Variants in PRELID2 observed in about 807,000 individuals in gnomAD.
PRELID2 encodes PRELI domain-containing protein 2.
Under a neutral mutation model 28.4 loss-of-function variants are expected in PRELID2, and 25 were observed. The observed-to-expected ratio is 0.88, with a 90% CI of 0.64 to 1.23. PRELID2 has a LOEUF of 1.23. Ranked by LOEUF, PRELID2 falls within the 50% of genes most tolerant of loss-of-function variation. PRELID2 has a pLI of 0.00. For missense variants in PRELID2, 201 were observed against 214.4 expected (o/e 0.94, Z 0.39); for synonymous variants, 76 against 71.6 (o/e 1.06, Z -0.31).
chr5:145,728,805 A>G, intron 1 of PRELID2: 1 of 1,061,922 alleles, frequency 9.4e-7, no homozygotes, highest in Non-Finnish European at 1.5e-6. Flanking sequence ...GTACGTTCCA[A>G]TCATAAAGGC....
chr5:145,693,578 G>A (rs1475258443), intron 1 of PRELID2, among the ~76,000 whole-genome samples: 1 of 152,040 alleles, frequency 6.6e-6, no homozygotes, highest in Non-Finnish European at 1.5e-5. Context: ...AAACCAGCCT[G>A]GACAACATAG....
At chr5:145,508,251 C>CATAGATAGATAG in intron 1 of PRELID2, among the ~76,000 whole-genome samples, 1 of 105,504 alleles carries the variant, frequency 9.5e-6, no homozygotes, top group East Asian at 3.5e-4. Context: ...GTTACTTTTG[C>CATAGATAGATAG]ATAGACAGAT....
At chr5:145,279,617 C>T in the PRELID2 span, among the ~76,000 whole-genome samples, 2 of 151,896 alleles carry the variant, frequency 1.3e-5, no homozygotes, top group African/African-American at 4.8e-5. Context: ...ATAATTATTG[C>T]CAAGAACAGT....
At chr5:145,731,118 C>T (rs964327941) in intron 1 of PRELID2, among the ~76,000 whole-genome samples, 4 of 152,294 alleles carry the variant, frequency 2.6e-5, no homozygotes, top group Middle Eastern at 3.4e-3. Context: ...TGTTTCTTTC[C>T]TCTTTAACTC....
chr5:145,769,249 C>A (rs1757959199), intron 5 of PRELID2, among the ~76,000 whole-genome samples: 1 of 152,038 alleles, frequency 6.6e-6, no homozygotes, highest in Non-Finnish European at 1.5e-5. Context: ...TTCTCTATTA[C>A]AAGACTATCT....
chr5:145,586,009 C>T (rs566641686), intron 1 of PRELID2, among the ~76,000 whole-genome samples: 31 of 151,424 alleles, frequency 2.0e-4, no homozygotes, highest in Middle Eastern at 3.4e-3. Context: ...CCAGAGATTT[C>T]GAGTCTATTG....
At chr5:145,776,483 C>A (rs935248360) in intron 5 of PRELID2, among the ~76,000 whole-genome samples, 19 of 152,066 alleles carry the variant, frequency 1.2e-4, no homozygotes, top group Admixed American at 9.2e-4. Context: ...AAAAAAAAAT[C>A]ATATGCTGAG....
At chr5:145,640,279 G>A (rs1396812311) in intron 1 of PRELID2, among the ~76,000 whole-genome samples, 1 of 151,972 alleles carries the variant, frequency 6.6e-6, no homozygotes, top group Non-Finnish European at 1.5e-5. Flanking sequence ...GAGGTCAGGA[G>A]ATCGAGACCA....
chr5:145,388,826 C>A, the PRELID2 span, among the ~76,000 whole-genome samples: 89 of 152,266 alleles, frequency 5.8e-4, 1 homozygote, highest in African/African-American at 2.1e-3. Context: ...TTTAAAGTAA[C>A]ATTTCTCCCA....
At chr5:145,608,419 T>C (rs1753540463) in intron 1 of PRELID2, among the ~76,000 whole-genome samples, 2 of 152,218 alleles carry the variant, frequency 1.3e-5, no homozygotes, top group Admixed American at 6.5e-5. Context: ...CTTAAGGATC[T>C]CTTGTAAGGC....
intron 1 of PRELID2, among the ~76,000 whole-genome samples, chr5:145,642,537 A>G (rs1182394346): frequency 1.3e-5 from 2 of 152,138 alleles, no homozygotes; most frequent in East Asian, 1.9e-4. Context: ...TCATTTGTCA[A>G]TTTTGGCTTT....
chr5:145,540,025 GA>G (rs1229606792), intron 1 of PRELID2, among the ~76,000 whole-genome samples: 2 of 151,434 alleles, frequency 1.3e-5, no homozygotes, highest in African/African-American at 2.4e-5. Flanking sequence ...ATATAATTAG[GA>G]AAAAAAGTAA....
At position 145,739,830 on chromosome 5, in the gene PRELID2, A is replaced by T. The variant is rs927067994; in HGVS notation, n.70+25101T>A. On this transcript the variant is annotated intron_variant and non_coding_transcript_variant, in intron 1 of 2. Transcript: ENST00000510259. ...TATAGAGCAACCACCTAATTTTTTT[A>T]AAAAACTGTACAAAACAATTTACTC... Among the ~76,000 whole-genome samples, 8 of 151,992 alleles carry T rather than the reference A, an allele frequency of 5.3e-5. No homozygotes were observed. The East Asian group carries it at 5.8e-4, about 11-fold the overall frequency.
downstream of PRELID2, among the ~76,000 whole-genome samples, chr5:145,755,057 C>T (rs1480319529): frequency 6.6e-6 from 1 of 152,138 alleles, no homozygotes; most frequent in Non-Finnish European, 1.5e-5. Flanking sequence ...GATCAAGATC[C>T]TGAAGCATTT....
intron 1 of PRELID2, among the ~76,000 whole-genome samples, chr5:145,645,988 G>T (rs1328233679): frequency 1.3e-5 from 2 of 152,132 alleles, no homozygotes; most frequent in Non-Finnish European, 2.9e-5. Flanking sequence ...TTCAACCTTG[G>T]TGAATCTGAC....
intron 1 of PRELID2, among the ~76,000 whole-genome samples, chr5:145,507,410 T>C (rs1580962065): frequency 1.3e-5 from 2 of 152,186 alleles, no homozygotes; most frequent in East Asian, 1.9e-4. Context: ...TTCCCTGAAG[T>C]TGGAGAGAGT....
At chr5:145,784,920 C>A (rs1300108308) in intron 5 of PRELID2, among the ~76,000 whole-genome samples, 2 of 151,694 alleles carry the variant, frequency 1.3e-5, no homozygotes, top group African/African-American at 4.8e-5. Context: ...ATCTTACTTG[C>A]ACTTTAATTA....
downstream of PRELID2, chr5:145,754,404 G>T (rs907003618): frequency 6.6e-6 from 1 of 152,158 alleles, no homozygotes; most frequent in Non-Finnish European, 1.5e-5. Context: ...ATATACCCAA[G>T]AGATAACTGT....
intron 1 of PRELID2, among the ~76,000 whole-genome samples, chr5:145,562,534 C>T (rs960755147): frequency 3.3e-5 from 5 of 152,094 alleles, no homozygotes; most frequent in Non-Finnish European, 5.9e-5. Flanking sequence ...GCCTGCCTGG[C>T]TCTGCAAGCA....
Sources: allele counts gnomAD v4.1 joint callset (sites outside exome capture counted in the v4.1 genomes callset), GRCh38; gene constraint gnomAD v4.1.1; transcripts MANE v1.5; gene names NCBI Gene and HGNC (gene_info 2026-07-23, HGNC 2026-07-21).